KLRG1: variants seen among roughly 807,000 people sequenced by gnomAD.
KLRG1 encodes killer cell lectin like receptor G1.
A neutral mutation model predicts 21.8 loss-of-function variants in KLRG1; 16 were observed. That is an observed-to-expected ratio of 0.73 (90% CI 0.50 to 1.11). KLRG1 has a LOEUF of 1.11. Among genes scored for constraint, KLRG1 ranks in the 50% most tolerant of loss-of-function variants. KLRG1 has a pLI of 0.00. For missense variants in KLRG1, 173 were observed against 218.3 expected (o/e 0.79, Z 1.31); for synonymous variants, 69 against 75.9 (o/e 0.91, Z 0.47).
chr12:9,119,789 A>C, the KLRG1 span, among the ~76,000 whole-genome samples: 1 of 152,294 alleles, frequency 6.6e-6, no homozygotes, highest in South Asian at 2.1e-4. Context: ...ATGATCCTTA[A>C]TGGGAGAGAT....
At chr12:9,102,717 G>C in the KLRG1 span, among the ~76,000 whole-genome samples, 2 of 151,960 alleles carry the variant, frequency 1.3e-5, no homozygotes, top group African/African-American at 4.8e-5. Flanking sequence ...GTATATTTTG[G>C]TGACAACACA....
chr12:9,169,079 T>C, the KLRG1 span: 2 of 769,778 alleles, frequency 2.6e-6, no homozygotes, highest in East Asian at 2.7e-5. Context: ...CTTATATTAA[T>C]TCTATGGCGA....
downstream of KLRG1, among the ~76,000 whole-genome samples, chr12:9,013,157 TGCTTCCTAATGCAGATA>T (rs914035922): frequency 2.0e-5 from 3 of 152,222 alleles, no homozygotes; most frequent in African/African-American, 7.2e-5. Flanking sequence ...GGGTTTGTGG[TGCTTCCTAATGCAGATA>T]TAGCTGCAGT....
At chr12:8,992,513 G>C (rs1226614315) in intron 2 of KLRG1, among the ~76,000 whole-genome samples, 2 of 151,740 alleles carry the variant, frequency 1.3e-5, no homozygotes, top group African/African-American at 2.4e-5. Flanking sequence ...TTTGAGACAG[G>C]GTCTCCCTCA....
intron 3 of KLRG1, among the ~76,000 whole-genome samples, chr12:9,003,953 G>A (rs2137408139): frequency 6.6e-6 from 1 of 151,622 alleles, no homozygotes; most frequent in Middle Eastern, 3.4e-3. Context: ...AACATGCGGT[G>A]TTTGGTTTTT....
chr12:9,148,635 A>G, the KLRG1 span, among the ~76,000 whole-genome samples: 2 of 152,196 alleles, frequency 1.3e-5, no homozygotes, highest in East Asian at 1.9e-4. Context: ...CGTTTATATT[A>G]TCTATCATCC....
chr12:8,960,238 T>G (rs1474185441), intron 1 of KLRG1, among the ~76,000 whole-genome samples: 2 of 152,186 alleles, frequency 1.3e-5, no homozygotes, highest in Non-Finnish European at 2.9e-5. Flanking sequence ...CCAGTTTCAC[T>G]GAGCTTCAGA....
the KLRG1 span, among the ~76,000 whole-genome samples, chr12:9,111,239 C>T: frequency 3.9e-5 from 6 of 152,076 alleles, no homozygotes; most frequent in Non-Finnish European, 7.4e-5. Flanking sequence ...AATATAACCA[C>T]GCACAAAAGA....
chr12:9,153,447 A>G, the KLRG1 span: 1 of 835,668 alleles, frequency 1.2e-6, no homozygotes, highest in African/African-American at 1.7e-5. Flanking sequence ...CTGGCTTTTT[A>G]CCCCTAAGGT....
the KLRG1 span, among the ~76,000 whole-genome samples, chr12:9,138,446 G>A: frequency 2.0e-5 from 3 of 150,734 alleles, no homozygotes; most frequent in African/African-American, 7.4e-5. Context: ...ATATTCATCA[G>A]AGATATTGGC....
At chr12:9,191,202 G>C in the KLRG1 span, among the ~76,000 whole-genome samples, 1 of 151,950 alleles carries the variant, frequency 6.6e-6, no homozygotes, top group Non-Finnish European at 1.5e-5. Context: ...TATTATAAAA[G>C]AAAAAATCAA....
chr12:8,973,749 G>T (rs893684591), intron 1 of KLRG1, among the ~76,000 whole-genome samples: 1 of 152,094 alleles, frequency 6.6e-6, no homozygotes, highest in South Asian at 2.1e-4. Flanking sequence ...ATAATTCTCA[G>T]TGTGTAAGTC....
the KLRG1 span, chr12:9,168,777 T>TG: frequency 2.1e-6 from 2 of 935,500 alleles, no homozygotes; most frequent in Non-Finnish European, 3.4e-6. Context: ...GTGTATAAAG[T>TG]GGAAATAGGG....
the KLRG1 span, chr12:9,128,006 G>A: frequency 3.5e-4 from 97 of 277,904 alleles, no homozygotes; most frequent in South Asian, 3.7e-3. Context: ...CCAAGTCTGA[G>A]ATGGAGCAGT....
At chr12:9,115,752 T>C in the KLRG1 span, 1 of 1,603,510 alleles carries the variant, frequency 6.2e-7, no homozygotes, top group Admixed American at 1.7e-5. Context: ...ACGCTCTCTG[T>C]GTGGAACTCA....
chr12:8,972,847 A>C (rs1946593525), intron 1 of KLRG1, among the ~76,000 whole-genome samples: 1 of 152,154 alleles, frequency 6.6e-6, no homozygotes, highest in Non-Finnish European at 1.5e-5. Flanking sequence ...TTCTATAAAG[A>C]ATGCCACTTG....
At chr12:8,952,032 A>C (rs1946213337) in intron 1 of KLRG1, among the ~76,000 whole-genome samples, 1 of 152,188 alleles carries the variant, frequency 6.6e-6, no homozygotes, top group African/African-American at 2.4e-5. Flanking sequence ...CTGAGAACTG[A>C]GCTCAAGGTT....
chr12:9,157,844 G>C, the KLRG1 span: 1 of 1,611,512 alleles, frequency 6.2e-7, no homozygotes, highest in Non-Finnish European at 8.5e-7. Flanking sequence ...ACACCTCCCT[G>C]TGAATACAAC....
the KLRG1 span, chr12:9,064,608 A>G: frequency 6.5e-6 from 1 of 153,166 alleles, no homozygotes; most frequent in Non-Finnish European, 1.5e-5. This position sits in a 1 kb window ranked among gnomAD's most constrained non-coding sequence, Gnocchi z 4.0. Context: ...CCCCGGGAGT[A>G]CTCCCGGAGC....
Sources: allele counts gnomAD v4.1 joint callset (sites outside exome capture counted in the v4.1 genomes callset), GRCh38; gene constraint gnomAD v4.1.1; non-coding constraint Gnocchi (gnomAD v3.1); transcripts MANE v1.5; gene names NCBI Gene and HGNC (gene_info 2026-07-23, HGNC 2026-07-21).